The following TNFSF4 variants were observed in gnomAD, a reference collection of about 807,000 sequenced individuals.
TNFSF4 encodes the protein tumor necrosis factor ligand superfamily member 4.
A neutral mutation model predicts 7.3 loss-of-function variants in TNFSF4; 4 were observed. The ratio of observed to expected loss-of-function variants is 0.55; its 90% CI spans 0.27 to 1.25. The LOEUF (loss-of-function observed/expected upper bound fraction) is 1.25. Ranked by LOEUF, TNFSF4 falls within the 50% of genes most tolerant of loss-of-function variation. The pLI, the probability that TNFSF4 is intolerant of heterozygous loss-of-function variation, is 0.12. For missense variants in TNFSF4, 181 were observed against 208.8 expected (o/e 0.87, Z 0.82); for synonymous variants, 76 against 83.7 (o/e 0.91, Z 0.50).
At chr1:173,277,687 G>A in the TNFSF4 span, among the ~76,000 whole-genome samples, 1 of 152,048 alleles carries the variant, frequency 6.6e-6, no homozygotes, top group Non-Finnish European at 1.5e-5. Context: ...TAGAATCCAG[G>A]CAATGCTAAT....
chr1:173,284,968 T>G, the TNFSF4 span, among the ~76,000 whole-genome samples: 1 of 152,192 alleles, frequency 6.6e-6, no homozygotes, highest in Non-Finnish European at 1.5e-5. Context: ...TCAAGTTCTA[T>G]TAAAGAAATG....
intron 1 of TNFSF4, among the ~76,000 whole-genome samples, chr1:173,201,087 G>T (rs1367570142): frequency 1.3e-5 from 2 of 152,138 alleles, no homozygotes; most frequent in Non-Finnish European, 2.9e-5. Context: ...TGCCTTATTT[G>T]GTAGCCAAGT....
chr1:173,345,355 T>A, the TNFSF4 span, among the ~76,000 whole-genome samples: 1 of 152,128 alleles, frequency 6.6e-6, no homozygotes, highest in African/African-American at 2.4e-5. Flanking sequence ...GCATTGCCAA[T>A]GCCAAAGAAA....
the TNFSF4 span, among the ~76,000 whole-genome samples, chr1:173,336,641 C>G: frequency 6.6e-6 from 1 of 152,134 alleles, no homozygotes; most frequent in Non-Finnish European, 1.5e-5. Flanking sequence ...CTTTTCCCTT[C>G]CACAGGATAT....
chr1:173,433,348 C>A, the TNFSF4 span, among the ~76,000 whole-genome samples: 1 of 152,076 alleles, frequency 6.6e-6, no homozygotes, highest in Non-Finnish European at 1.5e-5. Flanking sequence ...CAGCTAGGTA[C>A]AATAATTCTA....
At chr1:173,340,922 A>T in the TNFSF4 span, among the ~76,000 whole-genome samples, 31,144 of 152,086 alleles carry the variant, frequency 0.2, 3,487 homozygotes, top group Middle Eastern at 0.27. Context: ...AATCCCCATA[A>T]GTCATGGGAG....
chr1:173,370,548 A>G, the TNFSF4 span, among the ~76,000 whole-genome samples: 6 of 152,214 alleles, frequency 3.9e-5, no homozygotes, highest in African/African-American at 1.2e-4. Context: ...GCCTCCCTCA[A>G]GTGGCTATGG....
chr1:173,265,960 A>G, the TNFSF4 span, among the ~76,000 whole-genome samples: 1 of 152,172 alleles, frequency 6.6e-6, no homozygotes, highest in Admixed American at 6.6e-5. Flanking sequence ...TTAACTCCTT[A>G]ATGCTTATGG....
At chr1:173,330,010 G>A in the TNFSF4 span, among the ~76,000 whole-genome samples, 1 of 152,110 alleles carries the variant, frequency 6.6e-6, no homozygotes, top group Non-Finnish European at 1.5e-5. Flanking sequence ...AATGTAAACA[G>A]ATCAGCTCCT....
the TNFSF4 span, among the ~76,000 whole-genome samples, chr1:173,423,218 T>C: frequency 3.1e-4 from 47 of 152,342 alleles, no homozygotes; most frequent in African/African-American, 1.1e-3. Flanking sequence ...TAGATTTTAT[T>C]ACTCCCACCT....
At chr1:173,288,676 T>A in the TNFSF4 span, among the ~76,000 whole-genome samples, 1 of 151,882 alleles carries the variant, frequency 6.6e-6, no homozygotes, top group Non-Finnish European at 1.5e-5. Context: ...AAAACTAAGT[T>A]CAAAATAAAT....
the TNFSF4 span, among the ~76,000 whole-genome samples, chr1:173,426,344 C>T: frequency 2.6e-5 from 4 of 152,074 alleles, no homozygotes; most frequent in African/African-American, 7.2e-5. Context: ...CAAGAGACAG[C>T]GGACAGGAGG....
At chr1:173,286,690 C>T in the TNFSF4 span, among the ~76,000 whole-genome samples, 2 of 151,952 alleles carry the variant, frequency 1.3e-5, no homozygotes, top group Non-Finnish European at 2.9e-5. Context: ...GAAAGACAAA[C>T]ATTTCTTAAA....
chr1:173,188,471 A>G (rs1260062601), intron 2 of TNFSF4, 50 bp downstream of exon 2: 3 of 1,397,574 alleles, frequency 2.1e-6, no homozygotes, highest in African/African-American at 2.9e-5. Flanking sequence ...GAGACTGAAG[A>G]GAAGATTCTT....
intron 1 of TNFSF4, among the ~76,000 whole-genome samples, chr1:173,202,096 AAAG>A (rs140012776): frequency 6.7e-6 from 1 of 150,336 alleles, no homozygotes; most frequent in African/African-American, 2.5e-5. Flanking sequence ...CATATATATA[AAAG>A]AAGAAGAAGA....
the TNFSF4 span, among the ~76,000 whole-genome samples, chr1:173,309,474 T>A: frequency 6.6e-6 from 1 of 151,958 alleles, no homozygotes; most frequent in African/African-American, 2.4e-5. Flanking sequence ...GACAATTATA[T>A]AATTTTTCTT....
chr1:173,194,611 G>A (rs970605854), intron 1 of TNFSF4, among the ~76,000 whole-genome samples: 1 of 152,018 alleles, frequency 6.6e-6, no homozygotes, highest in Non-Finnish European at 1.5e-5. Flanking sequence ...GGCCTGGTGC[G>A]GTAGCTCACA....
Position 173,188,562 on chromosome 1 carries a change from T to A in TNFSF4, c.161A>T (p.His54Leu). The change falls in exon 2 of 3, where the codon CAT (histidine) becomes CTT (leucine). Residue 54 changes from histidine to leucine, a missense_variant. Coordinates refer to ENST00000281834, the MANE Select transcript of TNFSF4 (RefSeq NM_003326.5). ...CLHFSALQVS[H>L]RYPRIQSIKV... ...GATACTTTGAATTCGAGGATACCGA[T>A]GTGATACCTGAGGGAGGAAGAAAGA... 6.2e-7 allele frequency: 1 copy of A among 1,612,206 alleles called. No individual in the cohort carries two copies. The highest frequency in any genetic ancestry group is 8.5e-7 in the Non-Finnish European group (1 of 1,178,490).
chr1:173,214,860 C>T, the TNFSF4 span, among the ~76,000 whole-genome samples: 6 of 152,278 alleles, frequency 3.9e-5, no homozygotes, highest in South Asian at 1.2e-3. Context: ...ACACAAGGAA[C>T]CAGAATCTCA....
Sources: allele counts gnomAD v4.1 joint callset (sites outside exome capture counted in the v4.1 genomes callset), GRCh38; gene constraint gnomAD v4.1.1; transcripts MANE v1.5; gene names NCBI Gene and HGNC (gene_info 2026-07-23, HGNC 2026-07-21).